ZNF654: variants seen among roughly 807,000 people sequenced by gnomAD.
The protein encoded by ZNF654 is zinc finger protein 654, also known as melanoma-associated antigen.
In ZNF654, 19 loss-of-function variants were observed where a neutral mutation model predicts 95.3. The observed-to-expected ratio is 0.20, with a 90% CI of 0.14 to 0.29. The LOEUF (loss-of-function observed/expected upper bound fraction) is 0.29, where lower values mean the gene tolerates loss of function less well. Among genes scored for constraint, ZNF654 ranks in the 10% least tolerant of loss-of-function variants. ZNF654 has a pLI of 1.00. For missense variants in ZNF654, 1,046 were observed against 1,341.0 expected, an observed-to-expected ratio of 0.78 and a Z score of 3.44; for synonymous variants, 413 against 457.9, an observed-to-expected ratio of 0.90 and a Z score of 1.25.
rs534452100 is a variant in ZNF654, at chr3:88,113,505, A to G, written c.414+309A>G. ...GATTCTTCTTTGCCAGACTTGAAGTAAGCTGTCTATCCCATGCCACTTTTT... is the reference window on the plus strand; with the variant it reads ...GATTCTTCTTTGCCAGACTTGAAGTGAGCTGTCTATCCCATGCCACTTTTT... On this transcript the variant is annotated intron_variant, in intron 3 of 8. Coordinates refer to ENST00000636215, the MANE Select transcript of ZNF654 (RefSeq NM_001350134.2). 1.4e-3 allele frequency among the ~76,000 whole-genome samples: 210 copies of G among 152,268 alleles called. 2 individuals are homozygous for G. Among genetic ancestry groups the G allele is most frequent in the African/African-American group, 4.8e-3 (198 of 41,568 alleles).
intron 1 of ZNF654, among the ~76,000 whole-genome samples, chr3:88,070,931 T>C (rs1707475917): frequency 6.6e-6 from 1 of 152,156 alleles, no homozygotes. Flanking sequence ...TTTTCTCATA[T>C]ATTATCCAAA....
chr3:88,114,117 A>G (rs576479077), intron 3 of ZNF654, among the ~76,000 whole-genome samples: 20 of 152,182 alleles, frequency 1.3e-4, no homozygotes, highest in Non-Finnish European at 2.6e-4. Context: ...GCAAAACAGA[A>G]AAAATCTTCC....
At chr3:88,100,851 C>A (rs1704378505) in intron 2 of ZNF654, among the ~76,000 whole-genome samples, 1 of 152,114 alleles carries the variant, frequency 6.6e-6, no homozygotes, top group Admixed American at 6.6e-5. Context: ...AGGAGATATA[C>A]CTAATGTAAA....
At chr3:88,095,633 G>T in intron 2 of ZNF654, 1 of 509,550 alleles carries the variant, frequency 2.0e-6, no homozygotes, top group South Asian at 1.5e-5. Flanking sequence ...TTATCTCGAA[G>T]CCCCAAGCAA....
chr3:88,095,388 G>A, intron 2 of ZNF654: 1 of 328,838 alleles, frequency 3.0e-6, no homozygotes, highest in South Asian at 2.6e-5. Flanking sequence ...ACTAAGAGAA[G>A]TGACAGGGAT....
intron 3 of ZNF654, among the ~76,000 whole-genome samples, chr3:88,120,059 A>G (rs1249276568): frequency 2.5e-5 from 3 of 118,094 alleles, no homozygotes; most frequent in Non-Finnish European, 5.4e-5. Flanking sequence ...CAATAAATAC[A>G]TAATTCTACT....
chr3:88,119,024 C>G (rs1705589758), intron 3 of ZNF654, among the ~76,000 whole-genome samples: 1 of 149,458 alleles, frequency 6.7e-6, no homozygotes, highest in African/African-American at 2.5e-5. Flanking sequence ...ACCCAGCCAT[C>G]CCATTACTGG....
chr3:88,073,930 A>T (rs1707652631), intron 1 of ZNF654, among the ~76,000 whole-genome samples: 1 of 152,200 alleles, frequency 6.6e-6, no homozygotes, highest in African/African-American at 2.4e-5. Flanking sequence ...ACTTAAGAGT[A>T]TACGGCTTTT....
intron 3 of ZNF654, among the ~76,000 whole-genome samples, chr3:88,115,663 A>C (rs772099395): frequency 2.0e-4 from 31 of 152,062 alleles, no homozygotes; most frequent in Admixed American, 6.6e-4. Context: ...CTTACCTATA[A>C]TTTTTCCTCT....
At chr3:88,093,536 T>C in intron 2 of ZNF654, among the ~76,000 whole-genome samples, 1 of 152,174 alleles carries the variant, frequency 6.6e-6, no homozygotes, top group East Asian at 1.9e-4. Context: ...AAATGGTGTA[T>C]TGGCAAGCTG....
chr3:88,141,654 G>GA lies in ZNF654; in HGVS notation c.*6dup. The GA allele has an allele frequency of 6.6e-7, 1 of 1,511,156 alleles. No homozygotes were observed. The highest frequency in any genetic ancestry group is 9.0e-7 in the Non-Finnish European group (1 of 1,116,486). 93.6% of individuals were successfully genotyped at this position (1,511,156 alleles called of 1,614,324 possible). ...GTGTTCTGTTTTACAGGTGCCTGAT[G>GA]AAAACGGTTCAGAAAGATCTGTCAA... is the stretch of plus-strand genomic sequence containing the variant. On this transcript the variant is annotated 3_prime_UTR_variant, in exon 9 of 9. Coordinates refer to ENST00000636215, the MANE Select transcript of ZNF654 (RefSeq NM_001350134.2).
chr3:88,072,761 T>C (rs1044123774), intron 1 of ZNF654, among the ~76,000 whole-genome samples: 2 of 152,120 alleles, frequency 1.3e-5, no homozygotes, highest in Admixed American at 1.3e-4. Context: ...CACAAAAAAA[T>C]GAAAGCATCA....
chr3:88,064,828 T>C (rs1022270570), intron 1 of ZNF654, among the ~76,000 whole-genome samples: 2 of 152,248 alleles, frequency 1.3e-5, no homozygotes, highest in African/African-American at 4.8e-5. Context: ...ATCTGTCACA[T>C]TTAACTAGAA....
At chr3:88,082,459 G>A (rs1358581073) in intron 1 of ZNF654, among the ~76,000 whole-genome samples, 2 of 152,174 alleles carry the variant, frequency 1.3e-5, no homozygotes, top group Admixed American at 1.3e-4. Context: ...TGGATTCGCT[G>A]TAAACAAATG....
At chr3:88,127,147 G>T (rs1328214364) in intron 4 of ZNF654, among the ~76,000 whole-genome samples, 1 of 152,144 alleles carries the variant, frequency 6.6e-6, no homozygotes, top group Admixed American at 6.6e-5. Flanking sequence ...ATGGAGTTTA[G>T]TTATGAGACA....
At position 88,093,657 on chromosome 3, in the gene ZNF654, G is replaced by C. The variant is rs184174093; in HGVS notation, c.332+7255G>C. Among the ~76,000 whole-genome samples the C allele has an allele frequency of 3.9e-5, 6 of 152,318 alleles. No individual in the cohort carries two copies. In the South Asian group the frequency reaches 1.0e-3, roughly 26 times the overall value. ...GGACTAGACTACACATGTAATGTTA[G>C]ATCACTGATCCTTTCTGATTATGTT... On this transcript the variant is annotated intron_variant, in intron 2 of 8. Coordinates refer to ENST00000636215, the MANE Select transcript of ZNF654 (RefSeq NM_001350134.2).
rs1707247610 is a variant in ZNF654, at chr3:88,144,056, T to C, written c.*2404T>C. 6.6e-6 allele frequency: 1 copy of C among 152,362 alleles called. No individual in the cohort carries two copies. The highest frequency in any genetic ancestry group is 6.6e-5 in the Admixed American group (1 of 15,254). The allele number at this position is 152,362 out of a possible 1,614,324, so 9.4% of individuals were successfully genotyped here. A position where few individuals can be genotyped will look rare whatever the true frequency, so the allele number is the denominator to read the frequency against. On this transcript the variant is annotated 3_prime_UTR_variant, in exon 9 of 9. Transcript: ENST00000636215. Reference sequence around the variant, plus strand: ...CTACATGGACCAAGTTTCAAATCTTTGTTTTTAAATAAAAATTTCCTTCAA... The same window carrying C: ...CTACATGGACCAAGTTTCAAATCTTCGTTTTTAAATAAAAATTTCCTTCAA...
intron 1 of ZNF654, among the ~76,000 whole-genome samples, chr3:88,085,344 G>T (rs993421805): frequency 2.6e-5 from 4 of 152,194 alleles, no homozygotes; most frequent in African/African-American, 9.6e-5. Context: ...ATAAATGGAT[G>T]AACCTGGTTG....
At chr3:88,069,034 T>C (rs1707355935) in intron 1 of ZNF654, among the ~76,000 whole-genome samples, 1 of 152,116 alleles carries the variant, frequency 6.6e-6, no homozygotes, top group African/African-American at 2.4e-5. Context: ...ATGGACACTG[T>C]TAAAAAGACT....
Sources: allele counts gnomAD v4.1 joint callset (sites outside exome capture counted in the v4.1 genomes callset), GRCh38; gene constraint gnomAD v4.1.1; transcripts MANE v1.5; gene names NCBI Gene and HGNC (gene_info 2026-07-23, HGNC 2026-07-21).